Variants in AHCYL2 observed in about 807,000 individuals in gnomAD.
The protein encoded by AHCYL2 is S-adenosylhomocysteine hydrolase-like protein 2.
AHCYL2 carries 28 observed loss-of-function variants against 81.4 expected under a neutral mutation model. The observed-to-expected ratio is 0.34, with a 90% confidence interval of 0.25 to 0.47. The LOEUF (loss-of-function observed/expected upper bound fraction) is 0.47, where lower values mean the gene tolerates loss of function less well. Among genes scored for constraint, AHCYL2 ranks in the 20% least tolerant of loss-of-function variants. The probability of loss-of-function intolerance (pLI) is 1.00; values close to 1 mark genes in which losing one functional copy is unlikely to be tolerated. For missense variants in AHCYL2, 551 were observed against 785.1 expected (o/e 0.70, Z 3.56); for synonymous variants, 272 against 290.2 (o/e 0.94, Z 0.64).
At chr7:129,267,259 G>GTGTGTGTA (rs1795846621) in intron 1 of AHCYL2, among the ~76,000 whole-genome samples, 1 of 151,948 alleles carries the variant, frequency 6.6e-6, no homozygotes, top group Non-Finnish European at 1.5e-5. Context: ...GTGTGTGTGT[G>GTGTGTGTA]TGTGTGTGTG....
At chr7:129,264,131 C>T (rs1046557103) in intron 1 of AHCYL2, among the ~76,000 whole-genome samples, 3 of 152,212 alleles carry the variant, frequency 2.0e-5, no homozygotes, top group Admixed American at 2.0e-4. Flanking sequence ...ACACCATTCT[C>T]CTGCTTCAGC....
chr7:129,290,319 G>A (rs1002703112), intron 1 of AHCYL2, among the ~76,000 whole-genome samples: 1 of 151,478 alleles, frequency 6.6e-6, no homozygotes, highest in African/African-American at 2.4e-5. Context: ...TGGCCAACAT[G>A]GTGAAACCCT....
At chr7:129,346,028 A>G (rs141357219) in intron 1 of AHCYL2, among the ~76,000 whole-genome samples, 19 of 152,338 alleles carry the variant, frequency 1.2e-4, no homozygotes, top group African/African-American at 4.3e-4. Context: ...AGTTATCAGC[A>G]TATAGATGAT....
intron 1 of AHCYL2, among the ~76,000 whole-genome samples, chr7:129,362,953 T>C (rs1793986157): frequency 6.6e-6 from 1 of 152,120 alleles, no homozygotes; most frequent in Non-Finnish European, 1.5e-5. Context: ...TTTTTGTCCC[T>C]TCCCCTTTGG....
At chr7:129,373,613 AAAAC>A (rs996456259) in intron 1 of AHCYL2, among the ~76,000 whole-genome samples, 12 of 151,788 alleles carry the variant, frequency 7.9e-5, no homozygotes, top group Non-Finnish European at 1.5e-4. Flanking sequence ...AAAAAAAACC[AAAAC>A]AAACAAACAG....
intron 1 of AHCYL2, among the ~76,000 whole-genome samples, chr7:129,249,431 T>G (rs1218923424): frequency 6.6e-6 from 1 of 152,150 alleles, no homozygotes; most frequent in Non-Finnish European, 1.5e-5. Flanking sequence ...TCTTCTTTTT[T>G]TTTTTGAGAC....
At chr7:129,242,456 G>A (rs762946790) in intron 1 of AHCYL2, among the ~76,000 whole-genome samples, 37 of 151,926 alleles carry the variant, frequency 2.4e-4, no homozygotes, top group African/African-American at 8.5e-4. Context: ...AGTGGCTCAC[G>A]CCTATAATCC....
intron 1 of AHCYL2, among the ~76,000 whole-genome samples, chr7:129,238,544 C>T (rs941010635): frequency 6.6e-6 from 1 of 152,080 alleles, no homozygotes; most frequent in African/African-American, 2.4e-5. Flanking sequence ...AATGTAGACA[C>T]AGAAATAACT....
chr7:129,379,848 C>T, intron 2 of AHCYL2, 99 bp downstream of exon 2: 1 of 850,570 alleles, frequency 1.2e-6, no homozygotes, highest in Admixed American at 3.2e-5. Context: ...ATGACCAAGA[C>T]TGTGCTTTGA....
intron 1 of AHCYL2, among the ~76,000 whole-genome samples, chr7:129,232,114 T>C (rs922661215): frequency 1.1e-4 from 16 of 152,200 alleles, no homozygotes. Context: ...TCATCTTCTC[T>C]GCACACACTT....
chr7:129,403,860 C>CAAAAAA (rs34806455), intron 7 of AHCYL2, among the ~76,000 whole-genome samples: 7,015 of 79,562 alleles, frequency 0.088, 1,087 homozygotes, highest in Non-Finnish European at 0.15. Context: ...GACTCCATCT[C>CAAAAAA]AAAAAAAAAA....
intron 1 of AHCYL2, among the ~76,000 whole-genome samples, chr7:129,310,781 A>G (rs990899071): frequency 2.6e-5 from 4 of 152,120 alleles, no homozygotes; most frequent in Non-Finnish European, 4.4e-5. Context: ...GAGGGTTGCA[A>G]GCTCTAGGGA....
chr7:129,246,350 A>C (rs1286857818), intron 1 of AHCYL2, among the ~76,000 whole-genome samples: 2 of 151,850 alleles, frequency 1.3e-5, no homozygotes, highest in Non-Finnish European at 2.9e-5. Context: ...GAGCCACCAC[A>C]CCCTGCCAAG....
At chr7:129,319,265 G>A (rs991827481) in intron 1 of AHCYL2, among the ~76,000 whole-genome samples, 6 of 151,982 alleles carry the variant, frequency 3.9e-5, no homozygotes, top group African/African-American at 7.3e-5. Flanking sequence ...AGACCAACCT[G>A]GGCAACATGG....
chr7:129,241,795 A>T (rs1283600629), intron 1 of AHCYL2, among the ~76,000 whole-genome samples: 3 of 151,964 alleles, frequency 2.0e-5, no homozygotes, highest in African/African-American at 4.8e-5. Flanking sequence ...AGGTGGGAGG[A>T]TCAGTTGAGG....
intron 6 of AHCYL2, 122 bp downstream of exon 6, chr7:129,400,506 A>G: frequency 1.2e-6 from 1 of 839,360 alleles, no homozygotes; most frequent in Non-Finnish European, 1.8e-6. Context: ...TCTATCTGAT[A>G]TACCTGGGTT....
chr7:129,305,666 T>C (rs1233710440), intron 1 of AHCYL2, among the ~76,000 whole-genome samples: 1 of 152,192 alleles, frequency 6.6e-6, no homozygotes, highest in Admixed American at 6.6e-5. Context: ...ATCTGTGTTC[T>C]TCTGTGTACT....
Position 129,298,570 on chromosome 7 carries a change from C to G in AHCYL2, c.363+73131C>G, listed in dbSNP as rs73722934. Reference sequence around the variant, plus strand: ...CAGGGTTGTAGTGACTAAAATACCTCTATGTAGCTTTTCCTAAAATTCCCA... The same window carrying G: ...CAGGGTTGTAGTGACTAAAATACCTGTATGTAGCTTTTCCTAAAATTCCCA... On this transcript the variant is annotated intron_variant, in intron 1 of 16. Transcript: ENST00000325006. Among the ~76,000 whole-genome samples, 516 of 152,304 alleles carry G rather than the reference C, an allele frequency of 3.4e-3. 1 individual carries two copies. Among genetic ancestry groups the G allele is most frequent in the African/African-American group, 0.012 (499 of 41,560 alleles).
chr7:129,319,765 G>C (rs2718101), intron 1 of AHCYL2, among the ~76,000 whole-genome samples: 148,393 of 152,354 alleles, frequency 0.97, 72,409 homozygotes, highest in East Asian at 1. Context: ...TAGTTCATTC[G>C]TTTATAACTG....
Sources: gnomAD v4.1 joint callset for allele counts (sites outside exome capture counted in the v4.1 genomes callset) on GRCh38, gnomAD v4.1.1 for gene constraint, MANE v1.5 for transcripts, NCBI Gene and HGNC (gene_info 2026-07-23, HGNC 2026-07-21) for gene names.